The following NRG3 variants were observed in gnomAD, a reference collection of about 807,000 sequenced individuals.
The protein encoded by NRG3 is pro-neuregulin-3, membrane-bound isoform.
NRG3 carries 31 observed loss-of-function variants against 66.9 expected under a neutral mutation model. The ratio of observed to expected loss-of-function variants is 0.46; its 90% CI spans 0.35 to 0.63. The LOEUF is 0.63. NRG3 is among the 20% of genes least tolerant of loss of function. The pLI, the probability that NRG3 is intolerant of heterozygous loss-of-function variation, is 0.00. For synonymous variants in NRG3, 393 were observed against 359.4 expected (o/e 1.09, Z -1.06); for missense variants, 910 against 878.9 (o/e 1.04, Z -0.45).
intron 2 of NRG3, among the ~76,000 whole-genome samples, chr10:82,415,464 G>A (rs1236595864): frequency 6.6e-6 from 1 of 152,058 alleles, no homozygotes; most frequent in African/African-American, 2.4e-5. Flanking sequence ...TACACAAGAA[G>A]GAGTCTTGTA....
At chr10:82,323,271 G>A (rs73308507) in intron 1 of NRG3, among the ~76,000 whole-genome samples, 2,573 of 152,126 alleles carry the variant, frequency 0.017, 76 homozygotes, top group African/African-American at 0.059. Context: ...TGTATTTCAG[G>A]TACTGATTCT....
chr10:82,979,060 C>A lies in NRG3; in HGVS notation c.1523C>A (p.Pro508Gln), dbSNP rs1263037486. The change falls in exon 8 of 9, where the codon CCA becomes CAA. Residue 508 changes from proline (P) to glutamine (Q), a missense_variant. Physicochemically the swap from Pro to Gln is moderately conservative, Grantham distance 76 (BLOSUM62 -1). Transcript: ENST00000372141. ...PRSRLGGIVG[P>Q]AYQQLEESRI... ...AGTAGGCTAGGTGGAATTGTGGGAC[C>A]AGCATATCAGCAACTCGAAGAATCA... 1 of 1,614,090 alleles carries A rather than the reference C, an allele frequency of 6.2e-7. No homozygotes were observed. The highest frequency in any genetic ancestry group is 1.7e-5 in the Admixed American group (1 of 60,016).
intron 1 of NRG3, among the ~76,000 whole-genome samples, chr10:82,334,716 C>T (rs773259406): frequency 3.6e-4 from 54 of 152,060 alleles, no homozygotes; most frequent in Non-Finnish European, 7.4e-4. Context: ...TGCTGCAAAA[C>T]GATACAGAGT....
chr10:82,784,289 T>C (rs2060248788), intron 3 of NRG3, among the ~76,000 whole-genome samples: 1 of 151,400 alleles, frequency 6.6e-6, no homozygotes, highest in African/African-American at 2.4e-5. Context: ...ATTCAGGACA[T>C]AGGCATGGGC....
intron 2 of NRG3, among the ~76,000 whole-genome samples, chr10:82,390,230 T>G (rs1490842323): frequency 2.0e-5 from 3 of 152,120 alleles, no homozygotes; most frequent in African/African-American, 7.2e-5. Context: ...TCTCTGAAAT[T>G]TTTGCCTCTA....
At chr10:82,582,299 T>C (rs2046398939) in intron 2 of NRG3, among the ~76,000 whole-genome samples, 1 of 152,106 alleles carries the variant, frequency 6.6e-6, no homozygotes, top group Non-Finnish European at 1.5e-5. Context: ...GAGGTAAGGA[T>C]ACATATCTCT....
Position 82,345,513 on chromosome 10 carries a change from G to C in NRG3, c.824-13226G>C, listed in dbSNP as rs1358009439. On this transcript the variant is annotated intron_variant, in intron 1 of 8. Transcript: ENST00000372141. ...CAGGTAGTGTGATGCCTCCAGCTTT[G>C]TTCTTTTGGCTTAGGATTGACTTGG... Among the ~76,000 whole-genome samples the C allele has an allele frequency of 5.9e-5, 9 of 151,806 alleles. No individual in the cohort carries two copies. The East Asian group carries it at 1.7e-3, about 30-fold the overall frequency.
At chr10:82,296,268 A>T (rs2080055021) in intron 1 of NRG3, among the ~76,000 whole-genome samples, 1 of 152,190 alleles carries the variant, frequency 6.6e-6, no homozygotes, top group African/African-American at 2.4e-5. Flanking sequence ...CTCGTCCCAA[A>T]GGCAATGAGA....
intron 3 of NRG3, among the ~76,000 whole-genome samples, chr10:82,788,695 T>C (rs2060468377): frequency 1.3e-5 from 2 of 152,180 alleles, no homozygotes; most frequent in African/African-American, 2.4e-5. Flanking sequence ...AATATACATA[T>C]GTTATTTTAT....
At chr10:82,939,404 ATAAAG>A (rs1279682003) in intron 4 of NRG3, among the ~76,000 whole-genome samples, 2 of 152,140 alleles carry the variant, frequency 1.3e-5, no homozygotes, top group Admixed American at 6.5e-5. Context: ...CAACATTATT[ATAAAG>A]TAATTATTTC....
intron 4 of NRG3, among the ~76,000 whole-genome samples, chr10:82,942,256 C>G (rs1848641728): frequency 1.3e-5 from 2 of 152,172 alleles, no homozygotes; most frequent in African/African-American, 4.8e-5. Context: ...CCTCTGTCCT[C>G]CATACAGAGA....
chr10:82,599,996 T>C (rs1010713112), intron 2 of NRG3, among the ~76,000 whole-genome samples: 2 of 152,196 alleles, frequency 1.3e-5, no homozygotes, highest in Non-Finnish European at 2.9e-5. Flanking sequence ...CTGCATTCTC[T>C]ACTTATAATA....
intron 4 of NRG3, among the ~76,000 whole-genome samples, chr10:82,889,635 A>G (rs1842984171): frequency 6.6e-6 from 1 of 152,200 alleles, no homozygotes; most frequent in Non-Finnish European, 1.5e-5. Context: ...TGAAACTACA[A>G]TTCTATAAGC....
At chr10:82,764,521 C>T (rs2059445073) in intron 3 of NRG3, among the ~76,000 whole-genome samples, 1 of 151,948 alleles carries the variant, frequency 6.6e-6, no homozygotes, top group East Asian at 1.9e-4. Flanking sequence ...CACCGCCACG[C>T]CTGGCTAATT....
chr10:82,144,377 T>C (rs1413910857), intron 1 of NRG3, among the ~76,000 whole-genome samples: 1 of 152,168 alleles, frequency 6.6e-6, no homozygotes, highest in African/African-American at 2.4e-5. Flanking sequence ...GCTCCTGCTC[T>C]CTCTTGTGCT....
chr10:82,238,664 T>C (rs931538019), intron 1 of NRG3, among the ~76,000 whole-genome samples: 1 of 152,078 alleles, frequency 6.6e-6, no homozygotes, highest in Non-Finnish European at 1.5e-5. Flanking sequence ...AATGTGTACA[T>C]CTGGATTTGT....
intron 1 of NRG3, among the ~76,000 whole-genome samples, chr10:82,114,874 T>C (rs139759624): frequency 1.3e-5 from 2 of 152,254 alleles, no homozygotes; most frequent in African/African-American, 4.8e-5. Context: ...AGCACCTTCA[T>C]ACAACGCAAG....
Position 82,556,761 on chromosome 10 carries a change from T to A in NRG3, c.954-181816T>A, listed in dbSNP as rs536474015. Among the ~76,000 whole-genome samples the A allele has an allele frequency of 3.3e-5, 5 of 152,282 alleles. No homozygotes were observed. In the South Asian group the frequency reaches 1.0e-3, roughly 32 times the overall value. ...CCCAGGTATTAAGACCAGTACCCCA[T>A]AGCTGACTTTTCTGCTCCTCTCCCT... On this transcript the variant is annotated intron_variant, in intron 2 of 8. Transcript: ENST00000372141.
intron 3 of NRG3, among the ~76,000 whole-genome samples, chr10:82,740,514 A>C (rs1240044770): frequency 6.6e-6 from 1 of 152,130 alleles, no homozygotes; most frequent in African/African-American, 2.4e-5. Context: ...ACCTATTTCA[A>C]TGTCTATTAA....
Sources: gnomAD v4.1 joint callset for allele counts (sites outside exome capture counted in the v4.1 genomes callset) on GRCh38, gnomAD v4.1.1 for gene constraint, MANE v1.5 for transcripts, NCBI Gene and HGNC (gene_info 2026-07-23, HGNC 2026-07-21) for gene names.